The following DNAI1 variants were observed in gnomAD, a reference collection of about 807,000 sequenced individuals.
The protein encoded by DNAI1 is dynein axonemal intermediate chain 1, also known as dynein, axonemal, intermediate polypeptide 1.
In DNAI1, 67 loss-of-function variants were observed where a neutral mutation model predicts 92.0. The observed-to-expected ratio is 0.73, with a 90% confidence interval of 0.60 to 0.89. DNAI1 has a LOEUF of 0.89. Among genes scored for constraint, DNAI1 ranks in the 40% least tolerant of loss-of-function variants. DNAI1 has a pLI of 0.00. For synonymous variants in DNAI1, 323 were observed against 319.6 expected (o/e 1.01, Z -0.11); for missense variants, 839 against 866.6 (o/e 0.97, Z 0.40).
At chr9:34,512,071 T>G (rs777168356) in intron 13 of DNAI1, 38 bp from the exon 14 acceptor site, 3 of 1,602,798 alleles carry the variant, frequency 1.9e-6, no homozygotes, top group Non-Finnish European at 1.7e-6. Flanking sequence ...CTCAACACTT[T>G]AGCAGGGTCC....
chr9:34,479,326 G>C (rs1260815258), intron 1 of DNAI1, among the ~76,000 whole-genome samples: 3 of 152,174 alleles, frequency 2.0e-5, no homozygotes, highest in African/African-American at 7.2e-5. Flanking sequence ...AGGAATTCAG[G>C]CTTGTCTGTC....
chr9:34,520,221 A>G (rs1825243905), intron 19 of DNAI1, among the ~76,000 whole-genome samples: 1 of 152,118 alleles, frequency 6.6e-6, no homozygotes, highest in Non-Finnish European at 1.5e-5. Context: ...GGCTCTGTCC[A>G]CAGCCCCTCC....
chr9:34,489,901 C>T lies in DNAI1; in HGVS notation c.389-111C>T, dbSNP rs1425595564. On this transcript the variant is annotated intron_variant, in intron 5 of 19. Transcript: ENST00000242317. ...GTCCTGAATAGGTCAGGGAGCTAAC[C>T]CATGACACTCAGGCCAAGGAAAACC... is the stretch of plus-strand genomic sequence containing the variant. 7.2e-6 allele frequency: 11 copies of T among 1,524,032 alleles called. No homozygotes were observed. In the African/African-American group the frequency reaches 1.1e-4, roughly 15 times the overall value. The allele number at this position is 1,524,032 out of a possible 1,614,324, so 94.4% of individuals were successfully genotyped here. A position where few individuals can be genotyped will look rare whatever the true frequency, so the allele number is the denominator to read the frequency against.
At chr9:34,507,801 C>T (rs1014165508) in intron 13 of DNAI1, among the ~76,000 whole-genome samples, 2 of 152,190 alleles carry the variant, frequency 1.3e-5, no homozygotes, top group African/African-American at 4.8e-5. Context: ...GCAGGTCTGC[C>T]CCTGAGCCTC....
At chr9:34,463,333 C>T (rs1186902112) in intron 1 of DNAI1, among the ~76,000 whole-genome samples, 2 of 152,152 alleles carry the variant, frequency 1.3e-5, no homozygotes, top group Non-Finnish European at 2.9e-5. Flanking sequence ...TAGAGTTAAT[C>T]AAATAACCCA....
rs576450248 is a variant in DNAI1, at chr9:34,489,155, T to C, written c.262-168T>C. Reference sequence around the variant, plus strand: ...TTCATTTGTCTTCTCTTCCTTTTCTTCTTTAAACTGAAATGCAGTGAAAAC... The same window carrying C: ...TTCATTTGTCTTCTCTTCCTTTTCTCCTTTAAACTGAAATGCAGTGAAAAC... On this transcript the variant is annotated intron_variant, in intron 4 of 19. Coordinates refer to ENST00000242317, the MANE Select transcript of DNAI1 (RefSeq NM_012144.4). The C allele has an allele frequency of 1.5e-5, 11 of 734,866 alleles. No homozygotes were observed. The African/African-American group carries it at 1.7e-4, about 12-fold the overall frequency. The allele number at this position is 734,866 out of a possible 1,614,324, so 45.5% of individuals were successfully genotyped here.
chr9:34,512,472 G>A, intron 15 of DNAI1, 48 bp downstream of exon 15: 1 of 1,561,148 alleles, frequency 6.4e-7, no homozygotes, highest in Non-Finnish European at 8.8e-7. Flanking sequence ...GGTCATTCAG[G>A]CCCAGTGAGG....
rs142838771 is a variant in DNAI1 at position 34,502,554 on chromosome 9, G to A, written c.1063+1373G>A. Among the ~76,000 whole-genome samples the A allele has an allele frequency of 2.2e-3, 333 of 152,246 alleles. 2 individuals carry two copies. The highest frequency in any genetic ancestry group is 7.2e-3 in the African/African-American group (299 of 41,540). ...CGCTATTCTCCCCGCACCCAGGTTC[G>A]GAAGCAGGCTCAGCTGGTCGGGGTC... On this transcript the variant is annotated intron_variant, in intron 12 of 19. Transcript: ENST00000242317.
At position 34,483,319 on chromosome 9, in the gene DNAI1, T is replaced by G. The variant is rs866592425; in HGVS notation, c.49-129T>G. On this transcript the variant is annotated intron_variant, in intron 1 of 19. Transcript: ENST00000242317. ...GAGAGCAAGCGAGGGCTCTGAGGAC[T>G]GCCAGCACGCTGTCACCTCTCACTT... 5 of 879,156 alleles carry G rather than the reference T, an allele frequency of 5.7e-6. No homozygotes were observed. The East Asian group carries it at 1.4e-4, about 24-fold the overall frequency. 54.5% of individuals were successfully genotyped at this position (879,156 alleles called of 1,614,324 possible).
At chr9:34,517,671 G>A (rs1173132475) in intron 19 of DNAI1, among the ~76,000 whole-genome samples, 1 of 152,222 alleles carries the variant, frequency 6.6e-6, no homozygotes, top group Non-Finnish European at 1.5e-5. Flanking sequence ...TGAGTTACCT[G>A]TGGGGCCCCA....
chr9:34,505,088 G>T (rs147820462), intron 12 of DNAI1, among the ~76,000 whole-genome samples: 2 of 152,168 alleles, frequency 1.3e-5, no homozygotes, highest in South Asian at 4.2e-4. Flanking sequence ...TTAGTTTCCC[G>T]TTGCTGCTGG....
intron 18 of DNAI1, among the ~76,000 whole-genome samples, chr9:34,516,669 C>T (rs564782838): frequency 1.3e-5 from 2 of 152,004 alleles, no homozygotes; most frequent in East Asian, 3.9e-4. Context: ...GTGATGCAAC[C>T]GTATGATGTG....
At chr9:34,518,088 C>T (rs1017886410) in intron 19 of DNAI1, among the ~76,000 whole-genome samples, 5 of 152,222 alleles carry the variant, frequency 3.3e-5, no homozygotes, top group African/African-American at 1.2e-4. Flanking sequence ...CAGATCCAGA[C>T]TTATGAACCC....
intron 10 of DNAI1, among the ~76,000 whole-genome samples, chr9:34,498,088 G>T (rs1824760684): frequency 6.6e-6 from 1 of 152,180 alleles, no homozygotes; most frequent in African/African-American, 2.4e-5. Flanking sequence ...AGAATATAGG[G>T]CAGAGGTGGA....
At chr9:34,520,208 T>A (rs1204649303) in intron 19 of DNAI1, among the ~76,000 whole-genome samples, 3 of 152,144 alleles carry the variant, frequency 2.0e-5, no homozygotes, top group Non-Finnish European at 4.4e-5. Flanking sequence ...TCCGGGCCCC[T>A]GAGGCTCTGT....
chr9:34,482,489 G>C (rs1824379237), intron 1 of DNAI1, among the ~76,000 whole-genome samples: 1 of 148,974 alleles, frequency 6.7e-6, no homozygotes, highest in Non-Finnish European at 1.5e-5. Flanking sequence ...CCTTGAGCTA[G>C]ATACAGAGTG....
In DNAI1 at chr9:34,507,175, C is replaced by T. The variant is rs67752843; in HGVS notation, c.1311+301C>T. Among the ~76,000 whole-genome samples, 18,080 of 152,170 alleles carry T rather than the reference C, an allele frequency of 0.12. 1,383 individuals are homozygous for T. Among genetic ancestry groups the T allele is most frequent in the Non-Finnish European group, 0.18 (12,080 of 67,970 alleles). On this transcript the variant is annotated intron_variant, in intron 13 of 19. Coordinates refer to ENST00000242317, the MANE Select transcript of DNAI1 (RefSeq NM_012144.4). The stretch of plus-strand genomic sequence containing the variant: ...CTCAGAAGACATAGCTGGAAGGCTC[C>T]AGGGCCTGACAGGCTCCAGCTGAGT...
intron 4 of DNAI1, 71 bp from the exon 5 acceptor site, chr9:34,489,252 T>G (rs776008330): frequency 4.5e-6 from 7 of 1,572,832 alleles, no homozygotes; most frequent in Non-Finnish European, 5.2e-6. Flanking sequence ...TCTTAGAGAA[T>G]GAAAGCAGAT....
In DNAI1 at chr9:34,517,477, C is replaced by G. The variant is rs1237431260; in HGVS notation, c.2001+10C>G. On this transcript the variant is annotated intron_variant, in intron 19 of 19. Transcript: ENST00000242317. ...GCGCAAGATGCCAAAGGTACAGGCTCTGGGACTTTGAGCTGCTGCAAGACG... is the reference window on the plus strand; with the variant it reads ...GCGCAAGATGCCAAAGGTACAGGCTGTGGGACTTTGAGCTGCTGCAAGACG... The G allele has an allele frequency of 3.1e-6, 5 of 1,614,192 alleles. No homozygotes were observed. Among genetic ancestry groups the G allele is most frequent in the Non-Finnish European group, 4.2e-6 (5 of 1,180,038 alleles).
Sources: allele counts gnomAD v4.1 joint callset (sites outside exome capture counted in the v4.1 genomes callset), GRCh38; gene constraint gnomAD v4.1.1; transcripts MANE v1.5; gene names NCBI Gene and HGNC (gene_info 2026-07-23, HGNC 2026-07-21).